The following GYG2 variants were observed in gnomAD, a reference collection of about 807,000 sequenced individuals.
GYG2 encodes glycogenin-2.
In GYG2, 29 loss-of-function variants were observed where a neutral mutation model predicts 29.4. The observed-to-expected ratio is 0.99, with a 90% CI of 0.74 to 1.35. The LOEUF (loss-of-function observed/expected upper bound fraction) is 1.35. Among genes scored for constraint, GYG2 ranks in the 40% most tolerant of loss-of-function variants. The pLI, the probability that GYG2 is intolerant of heterozygous loss-of-function variation, is 0.00. For synonymous variants in GYG2, 167 were observed against 172.3 expected, an observed-to-expected ratio of 0.97 and a Z score of 0.24; for missense variants, 370 against 385.7, an observed-to-expected ratio of 0.96 and a Z score of 0.34.
At chrX:2,866,915 T>C (rs1180019565) in intron 8 of GYG2, among the ~76,000 whole-genome samples, 1 of 110,622 alleles carries the variant, frequency 9.0e-6, no homozygotes, top group East Asian at 2.8e-4. Context: ...GATTGCTGGC[T>C]CCAAATCCCC....
intron 3 of GYG2, chrX:2,853,632 A>T: frequency 6.1e-6 from 1 of 165,223 alleles, no homozygotes; most frequent in Non-Finnish European, 1.1e-5. Flanking sequence ...AATTCACTTC[A>T]AAATGTCATA....
At chrX:2,856,122 G>A (rs769835278) in intron 5 of GYG2, among the ~76,000 whole-genome samples, 19 of 111,769 alleles carry the variant, frequency 1.7e-4, no homozygotes, top group African/African-American at 5.2e-4. Flanking sequence ...AAATACTGGA[G>A]CAGTGAAGAA....
At chrX:2,859,161 GTAT>G (rs1383260770) in intron 6 of GYG2, among the ~76,000 whole-genome samples, 1 of 111,686 alleles carries the variant, frequency 9.0e-6, no homozygotes, top group African/African-American at 3.2e-5. Context: ...CAGTGGAGTA[GTAT>G]TATTGATGAT....
At chrX:2,845,690 CATTT>C (rs751425011) in intron 3 of GYG2, among the ~76,000 whole-genome samples, 1,143 of 104,097 alleles carry the variant, frequency 0.011, 33 homozygotes, top group African/African-American at 0.037. Context: ...TATGTACATA[CATTT>C]ATTTATGCAT....
intron 8 of GYG2, among the ~76,000 whole-genome samples, chrX:2,863,909 C>T (rs184061830): frequency 9.0e-6 from 1 of 111,290 alleles, no homozygotes; most frequent in Non-Finnish European, 1.9e-5. Flanking sequence ...GAGCCATGCT[C>T]GTTTCAGGAT....
chrX:2,878,882 C>T (rs2088656969), intron 10 of GYG2, among the ~76,000 whole-genome samples: 1 of 112,119 alleles, frequency 8.9e-6, no homozygotes, highest in Admixed American at 9.5e-5. Context: ...AATCACTGTG[C>T]TGTTTTGTCT....
rs1220762742 is a variant in GYG2 at position 2,881,107 on chromosome X, T to C, written c.1307T>C (p.Leu436Ser). The change falls in exon 11 of 11, where the codon TTG (leucine) becomes TCG (serine). Residue 436 changes from leucine (L) to serine (S), a missense_variant. By Grantham distance (145) the Leu-to-Ser change is moderately radical. Transcript: ENST00000398806. ...QISIEEKVKE[L>S]SPEEERRKWE... The stretch of plus-strand genomic sequence containing the variant: ...TCCATCGAAGAGAAGGTGAAGGAAT[T>C]GAGCCCCGAGGAAGAGAGGAGGAAG... 8.3e-7 allele frequency: 1 copy of C among 1,206,855 alleles called. No homozygotes were observed. Among genetic ancestry groups the C allele is most frequent in the African/African-American group, 1.8e-5 (1 of 56,967 alleles).
chrX:2,878,721 ATTTGCTAAACCGGGGCAC>A (rs1251654657), intron 10 of GYG2, among the ~76,000 whole-genome samples: 2 of 111,958 alleles, frequency 1.8e-5, no homozygotes, highest in Non-Finnish European at 3.8e-5. Context: ...TCGGTCATTG[ATTTGCTAAACCGGGGCAC>A]TTTGACCTCC....
At position 2,862,149 on chromosome X, in the gene GYG2, G is replaced by A. The variant is rs138686615; in HGVS notation, c.1038+427G>A. On this transcript the variant is annotated intron_variant, in intron 8 of 10. Transcript: ENST00000398806. ...CCAGAGAGAGAGGGGATTGGAAGAC[G>A]CTGGGCTGCTGGCTTTGAAGATGGA... 5.7e-3 allele frequency among the ~76,000 whole-genome samples: 628 copies of A among 110,820 alleles called. 3 individuals are homozygous for A. Among genetic ancestry groups the A allele is most frequent in the African/African-American group, 0.019 (583 of 30,484 alleles).
chrX:2,875,690 C>G (rs1186208559), intron 8 of GYG2, 120 bp from the exon 9 acceptor site: 1 of 502,391 alleles, frequency 2.0e-6, no homozygotes, highest in East Asian at 3.7e-5. Context: ...AGTCCTATCC[C>G]ATATCAAGTT....
At chrX:2,867,053 T>C (rs1390196047) in intron 8 of GYG2, among the ~76,000 whole-genome samples, 2 of 111,065 alleles carry the variant, frequency 1.8e-5, no homozygotes, top group Non-Finnish European at 3.8e-5. Flanking sequence ...CCCTTGCAGG[T>C]AGAAGCTGTC....
chrX:2,829,825 G>A (rs2087221459), intron 1 of GYG2, among the ~76,000 whole-genome samples: 1 of 109,558 alleles, frequency 9.1e-6, no homozygotes, highest in Admixed American at 9.6e-5. Flanking sequence ...GTGTTAAGAC[G>A]CAGCGGGGTC....
intron 10 of GYG2, among the ~76,000 whole-genome samples, chrX:2,879,487 C>T (rs1445932648): frequency 1.8e-5 from 2 of 111,216 alleles, no homozygotes; most frequent in African/African-American, 3.3e-5. Context: ...GGGCTGGTCT[C>T]GAACTCCCGA....
intron 5 of GYG2, among the ~76,000 whole-genome samples, chrX:2,855,452 A>G (rs905730687): frequency 9.8e-5 from 11 of 111,803 alleles, no homozygotes; most frequent in Non-Finnish European, 1.9e-5. Context: ...ACTGTAACAT[A>G]ATGGGAGGTA....
Position 2,861,587 on chromosome X carries a change from A to G in GYG2, c.903A>G (p.Glu301=). The G allele has an allele frequency of 2.5e-6, 3 of 1,207,897 alleles. No homozygotes were observed. The highest frequency in any genetic ancestry group is 3.4e-6 in the Non-Finnish European group (3 of 892,536). The stretch of plus-strand genomic sequence containing the variant: ...CCTCTGGTGTTGGAGAGCCGTGTGA[A>G]AATTCAACACCCAGTGCGGGCGTGC... The part of the protein sequence containing the change: ...DSASGVGEPC[E]NSTPSAGVPC... The change falls in exon 8 of 11, where the codon GAA becomes GAG. Residue 301 remains glutamate, a synonymous_variant. Transcript: ENST00000398806.
chrX:2,849,252 G>C (rs930521493), intron 3 of GYG2, among the ~76,000 whole-genome samples: 8 of 111,228 alleles, frequency 7.2e-5, no homozygotes, highest in Admixed American at 5.8e-4. Flanking sequence ...CTGTGGTGAA[G>C]ATGCCATAAA....
intron 3 of GYG2, among the ~76,000 whole-genome samples, chrX:2,843,831 A>G (rs2087561212): frequency 9.0e-6 from 1 of 111,314 alleles, no homozygotes. Context: ...TGGTAGAGAC[A>G]GGGTTTCGCC....
chrX:2,873,022 C>T (rs989143861), intron 8 of GYG2, among the ~76,000 whole-genome samples: 6 of 112,120 alleles, frequency 5.4e-5, no homozygotes, highest in African/African-American at 9.7e-5. Flanking sequence ...ACCCAAATCC[C>T]GCTCTCTCAC....
In GYG2 at chrX:2,880,935, C is replaced by G. The variant is rs958530968; in HGVS notation, c.1252-117C>G. 161 of 622,624 alleles carry G rather than the reference C, an allele frequency of 2.6e-4. 1 individual carries two copies. Among genetic ancestry groups the G allele is most frequent in the Non-Finnish European group, 4.8e-5 (19 of 398,778 alleles). 51.3% of individuals were successfully genotyped at this position (622,624 alleles called of 1,213,427 possible). A position where few individuals can be genotyped will look rare whatever the true frequency, so the allele number is the denominator to read the frequency against. On this transcript the variant is annotated intron_variant, in intron 10 of 10. Coordinates refer to ENST00000398806, the MANE Select transcript of GYG2 (RefSeq NM_001079855.2). Reference sequence around the variant, plus strand: ...ACAAAGTGCTAGTGATTCGCAATCTCTTTTTGAGAACTGAGATGCATCTTT... The same window carrying G: ...ACAAAGTGCTAGTGATTCGCAATCTGTTTTTGAGAACTGAGATGCATCTTT...
Sources: allele counts gnomAD v4.1 joint callset (sites outside exome capture counted in the v4.1 genomes callset), GRCh38; gene constraint gnomAD v4.1.1; transcripts MANE v1.5; gene names NCBI Gene and HGNC (gene_info 2026-07-23, HGNC 2026-07-21).